SLIT3: variants seen among roughly 807,000 people sequenced by gnomAD.
The protein encoded by SLIT3 is slit guidance ligand 3.
A neutral mutation model predicts 184.0 loss-of-function variants in SLIT3; 68 were observed. The observed-to-expected ratio is 0.37, with a 90% CI of 0.30 to 0.45. SLIT3 has a LOEUF of 0.45. SLIT3 is among the 20% of genes least tolerant of loss of function. SLIT3 has a pLI of 1.00. For synonymous variants in SLIT3, 831 were observed against 828.6 expected, an observed-to-expected ratio of 1.00 and a Z score of -0.05; for missense variants, 1,707 against 2,026.0, an observed-to-expected ratio of 0.84 and a Z score of 3.02.
chr5:169,245,787 C>T (rs74997343), intron 2 of SLIT3, among the ~76,000 whole-genome samples: 1,603 of 152,262 alleles, frequency 0.011, 34 homozygotes, highest in African/African-American at 0.034. Flanking sequence ...CCATGACAGT[C>T]TCTCCCCATT....
At chr5:168,781,027 T>C (rs1035200225) in intron 12 of SLIT3, among the ~76,000 whole-genome samples, 16 of 152,226 alleles carry the variant, frequency 1.1e-4, no homozygotes, top group Admixed American at 1.3e-4. Flanking sequence ...ACAGTGGCTC[T>C]TCCCTTCTCT....
intron 1 of SLIT3, among the ~76,000 whole-genome samples, chr5:169,263,407 T>C (rs1221781162): frequency 6.6e-6 from 1 of 151,708 alleles, no homozygotes; most frequent in East Asian, 2.0e-4. Flanking sequence ...AGGCAGAGAC[T>C]GGAGTGATGC....
rs374890784 is a variant in SLIT3, at chr5:168,671,473, G to A, written c.3852C>T (p.Thr1284=). Reference sequence around the variant, plus strand: ...GGCGCAAGGCAGAGAGGCCGGTGGAGGTGGGGATGCCTGTGGGAGGGGAGC... The same window carrying A: ...GGCGCAAGGCAGAGAGGCCGGTGGAAGTGGGGATGCCTGTGGGAGGGGAGC... ...NSPLYLGGIP[T]STGLSALRQG... The change falls in exon 34 of 36, where the codon ACC becomes ACT. Residue 1284 remains threonine (T), a synonymous_variant. Transcript: ENST00000519560. 13 of 1,610,456 alleles carry A rather than the reference G, an allele frequency of 8.1e-6. No homozygotes were observed. The highest frequency in any genetic ancestry group is 1.1e-5 in the Non-Finnish European group (13 of 1,178,512).
intron 34 of SLIT3, 40 bp from the exon 35 acceptor site, chr5:168,670,031 A>G (rs1330231758): frequency 6.3e-7 from 1 of 1,582,718 alleles, no homozygotes. Context: ...ACTGGATCAG[A>G]GTTGGTGCTG....
chr5:169,179,989 A>G (rs1763106203), intron 4 of SLIT3, among the ~76,000 whole-genome samples: 1 of 152,186 alleles, frequency 6.6e-6, no homozygotes, highest in Non-Finnish European at 1.5e-5. Context: ...GCAAAATACA[A>G]ACAAGTAAAC....
chr5:168,789,044 G>A (rs1346139931), intron 11 of SLIT3, among the ~76,000 whole-genome samples: 1 of 152,098 alleles, frequency 6.6e-6, no homozygotes, highest in African/African-American at 2.4e-5. Context: ...CAACCAGTGG[G>A]CTGCCTATGG....
intron 7 of SLIT3, among the ~76,000 whole-genome samples, 177 bp from the exon 8 acceptor site, chr5:168,817,640 A>G (rs796441037): frequency 1.1e-4 from 17 of 152,312 alleles, no homozygotes; most frequent in African/African-American, 3.4e-4. Context: ...CAACCCTTTC[A>G]TTGCCAGGTC....
At chr5:168,672,245 G>A (rs1003554639) in intron 33 of SLIT3, among the ~76,000 whole-genome samples, 3 of 152,100 alleles carry the variant, frequency 2.0e-5, no homozygotes. Context: ...TTCTGGGGCT[G>A]CCCTCGGCAC....
chr5:168,772,537 C>T (rs1755590648), intron 14 of SLIT3: 3 of 521,940 alleles, frequency 5.7e-6, no homozygotes, highest in Non-Finnish European at 1.0e-5. Flanking sequence ...GTCCTGTCTC[C>T]CCTGCAACCG....
chr5:168,742,239 C>G lies in SLIT3; in HGVS notation c.2270+6063G>C, dbSNP rs558536555. Among the ~76,000 whole-genome samples the G allele has an allele frequency of 7.4e-5, 11 of 148,476 alleles. 1 individual carries two copies. In the South Asian group the frequency reaches 2.4e-3, roughly 33 times the overall value. On this transcript the variant is annotated intron_variant, in intron 20 of 35. Transcript: ENST00000519560. ...CAGGCAGAACCAAGGCTGGGACTCA[C>G]CTCTGGGCTCCTAGCCCAGTGCTCT...
At chr5:169,279,680 T>C (rs1340943656) in intron 1 of SLIT3, among the ~76,000 whole-genome samples, 6 of 152,336 alleles carry the variant, frequency 3.9e-5, no homozygotes, top group Admixed American at 1.3e-4. Context: ...TATAATGTTA[T>C]CCATAAATTA....
Position 168,673,334 on chromosome 5 carries a change from G to A in SLIT3, c.3687-3C>T. On this transcript the variant is annotated splice_region_variant and splice_polypyrimidine_tract_variant and intron_variant, in intron 32 of 35. Transcript: ENST00000519560. ...GCCCATCATTCACTGTCTCCACACT[G>A]GCCAGTAGAGAAGGGGAGAAAGCCG... is the stretch of plus-strand genomic sequence containing the variant. 1 of 1,614,054 alleles carries A rather than the reference G, an allele frequency of 6.2e-7. No individual in the cohort carries two copies. The highest frequency in any genetic ancestry group is 1.1e-5 in the South Asian group (1 of 91,066).
At chr5:169,072,761 G>A (rs1208623191) in intron 4 of SLIT3, among the ~76,000 whole-genome samples, 1 of 152,210 alleles carries the variant, frequency 6.6e-6, no homozygotes, top group Non-Finnish European at 1.5e-5. Context: ...ACTGGCCAGA[G>A]TAATCCTTTG....
intron 21 of SLIT3, among the ~76,000 whole-genome samples, chr5:168,723,968 G>C (rs537168257): frequency 1.3e-5 from 2 of 152,292 alleles, no homozygotes; most frequent in African/African-American, 4.8e-5. Flanking sequence ...CATTTGGCAA[G>C]GTCTGAAGAC....
Position 168,711,058 on chromosome 5 carries a change from C to T in SLIT3, c.2556G>A (p.Leu852=), listed in dbSNP as rs1159468242. 6 of 1,571,320 alleles carry T rather than the reference C, an allele frequency of 3.8e-6. No homozygotes were observed. Among genetic ancestry groups the T allele is most frequent in the Non-Finnish European group, 5.2e-6 (6 of 1,156,020 alleles). ...AGTGGAGTGGGTTGGTTCCCAGCGC[C>T]CTAGGAGGCAGAACAGGAAGTCAGG... ...SFNDLTSLSH[L]ALGTNPLHCD... is the part of the protein sequence containing the mutation. Residue 852 remains leucine, a splice_region_variant and synonymous_variant, in exon 25 of 36, where the codon CTG becomes CTA. Coordinates refer to ENST00000519560, the MANE Select transcript of SLIT3 (RefSeq NM_003062.4).
At chr5:169,120,909 T>C (rs143298282) in intron 4 of SLIT3, among the ~76,000 whole-genome samples, 106 of 152,320 alleles carry the variant, frequency 7.0e-4, no homozygotes, top group African/African-American at 2.5e-3. Flanking sequence ...ACAGGATTGA[T>C]GCCAGACCCT....
intron 1 of SLIT3, among the ~76,000 whole-genome samples, chr5:169,291,484 C>G (rs1360534559): frequency 6.6e-6 from 1 of 152,188 alleles, no homozygotes; most frequent in Non-Finnish European, 1.5e-5. Flanking sequence ...AAGTTGGGCT[C>G]AGGAGCATCT....
chr5:169,098,795 A>G (rs1759891555), intron 4 of SLIT3, among the ~76,000 whole-genome samples: 1 of 152,150 alleles, frequency 6.6e-6, no homozygotes, highest in African/African-American at 2.4e-5. Context: ...AAGAAGCAGG[A>G]TTCACATTTT....
At chr5:168,784,621 G>C (rs982044541) in intron 12 of SLIT3, among the ~76,000 whole-genome samples, 8 of 152,340 alleles carry the variant, frequency 5.3e-5, no homozygotes, top group Admixed American at 2.6e-4. Context: ...GTAGAGGAAA[G>C]ATGTAAGAAA....
Sources: gnomAD v4.1 joint callset for allele counts (sites outside exome capture counted in the v4.1 genomes callset) on GRCh38, gnomAD v4.1.1 for gene constraint, MANE v1.5 for transcripts, NCBI Gene and HGNC (gene_info 2026-07-23, HGNC 2026-07-21) for gene names.